The following ZNF624 variants were observed in gnomAD, a reference collection of about 807,000 sequenced individuals.
ZNF624 encodes zinc finger protein 624.
Under a neutral mutation model 74.7 loss-of-function variants are expected in ZNF624, and 43 were observed. The observed-to-expected ratio is 0.58, with a 90% CI of 0.45 to 0.74. The LOEUF (loss-of-function observed/expected upper bound fraction) is 0.74, where lower values mean the gene tolerates loss of function less well. ZNF624 is among the 30% of genes least tolerant of loss of function. The probability of loss-of-function intolerance (pLI) is 0.00; values close to 1 mark genes in which losing one functional copy is unlikely to be tolerated. For missense variants in ZNF624, 820 were observed against 1,030.0 expected (o/e 0.80, Z 2.79); for synonymous variants, 331 against 341.3 (o/e 0.97, Z 0.33).
intron 3 of ZNF624, among the ~76,000 whole-genome samples, chr17:16,636,502 C>A (rs559494681): frequency 6.6e-6 from 1 of 152,264 alleles, no homozygotes; most frequent in South Asian, 2.1e-4. Context: ...GTGGTATATA[C>A]CAGCAATATG....
Position 16,621,073 on chromosome 17 carries a change from A to C in ZNF624, c.*1215T>G, listed in dbSNP as rs1908898442. 1 of 152,196 alleles carries C rather than the reference A, an allele frequency of 6.6e-6. No homozygotes were observed. The highest frequency in any genetic ancestry group is 2.4e-5 in the African/African-American group (1 of 41,438). The allele number at this position is 152,196 out of a possible 1,614,324, so 9.4% of individuals were successfully genotyped here. A position where few individuals can be genotyped will look rare whatever the true frequency, so the allele number is the denominator to read the frequency against. ...TTCTTCCATACCTGTCTCCATGTGC[A>C]TCTAACCACACACACACACATAAAC... On this transcript the variant is annotated 3_prime_UTR_variant, in exon 6 of 6. Coordinates refer to ENST00000311331, the MANE Select transcript of ZNF624 (RefSeq NM_020787.4).
chr17:16,634,786 A>C, intron 3 of ZNF624, 30 bp from the exon 4 acceptor site: 1 of 1,592,172 alleles, frequency 6.3e-7, no homozygotes, highest in Non-Finnish European at 8.5e-7. Context: ...ATCACTTAGA[A>C]ACTATACAAT....
chr17:16,617,803 G>A, downstream of ZNF624: 1 of 1,611,922 alleles, frequency 6.2e-7, no homozygotes, highest in Non-Finnish European at 8.5e-7. Context: ...TCGAGGAGGC[G>A]GCCATAGCCA....
At chr17:16,634,791 T>C (rs764697453) in intron 3 of ZNF624, 35 bp from the exon 4 acceptor site, 12 of 1,582,762 alleles carry the variant, frequency 7.6e-6, no homozygotes, top group East Asian at 6.7e-5. Context: ...TTAGAAACTA[T>C]ACAATTAGAC....
At chr17:16,638,541 G>A (rs1338022931) in intron 3 of ZNF624, among the ~76,000 whole-genome samples, 1 of 152,150 alleles carries the variant, frequency 6.6e-6, no homozygotes, top group Non-Finnish European at 1.5e-5. Context: ...CATAAAAAAT[G>A]AAGAGTTCAT....
At chr17:16,630,944 T>A (rs899383337) in intron 5 of ZNF624, among the ~76,000 whole-genome samples, 18 of 151,610 alleles carry the variant, frequency 1.2e-4, no homozygotes, top group Admixed American at 1.2e-3. Flanking sequence ...TTTAACATAA[T>A]TAACAAACTT....
At chr17:16,653,140 G>A (rs1003264308) in intron 1 of ZNF624, among the ~76,000 whole-genome samples, 1 of 152,228 alleles carries the variant, frequency 6.6e-6, no homozygotes, top group Non-Finnish European at 1.5e-5. Flanking sequence ...TACCAGTCCA[G>A]CATTTCCCAA....
At chr17:16,653,222 T>C (rs1327875728) in intron 1 of ZNF624, among the ~76,000 whole-genome samples, 2 of 152,266 alleles carry the variant, frequency 1.3e-5, no homozygotes, top group Non-Finnish European at 2.9e-5. Flanking sequence ...ATTTGAAATG[T>C]GACATTTCAG....
At chr17:16,647,543 T>C (rs895407027) in intron 2 of ZNF624, 149 bp from the exon 3 acceptor site, 1 of 653,430 alleles carries the variant, frequency 1.5e-6, no homozygotes, top group African/African-American at 1.8e-5. Context: ...CAAAGTCCCA[T>C]TGTAACATGC....
Position 16,634,804 on chromosome 17 carries a change from G to A in ZNF624, c.154-48C>T, listed in dbSNP as rs191984109. The A allele has an allele frequency of 1.2e-4, 193 of 1,560,768 alleles. No individual in the cohort carries two copies. The African/African-American group carries it at 2.3e-3, about 19-fold the overall frequency. ...ACTTAGAAACTATACAATTAGACTTGTTAGGCAGAATTATACATAAAAAAC... is the reference window on the plus strand; with the variant it reads ...ACTTAGAAACTATACAATTAGACTTATTAGGCAGAATTATACATAAAAAAC... On this transcript the variant is annotated intron_variant, in intron 3 of 5. Coordinates refer to ENST00000311331, the MANE Select transcript of ZNF624 (RefSeq NM_020787.4).
intron 5 of ZNF624, among the ~76,000 whole-genome samples, chr17:16,631,187 G>C (rs8074285): frequency 6.6e-6 from 1 of 151,800 alleles, no homozygotes; most frequent in African/African-American, 2.4e-5. Context: ...TATCACAATA[G>C]AAATTATAAA....
At chr17:16,640,747 G>A (rs1241528850) in intron 3 of ZNF624, among the ~76,000 whole-genome samples, 1 of 152,144 alleles carries the variant, frequency 6.6e-6, no homozygotes, top group African/African-American at 2.4e-5. Context: ...ACAAAGAAAA[G>A]CCTAGGTTCA....
At chr17:16,619,725 C>G (rs1908863023), downstream of ZNF624, among the ~76,000 whole-genome samples, 1 of 152,226 alleles carries the variant, frequency 6.6e-6, no homozygotes, top group South Asian at 2.1e-4. Flanking sequence ...CCAACCCCTT[C>G]CCCAATGGAT....
the ZNF624 span, among the ~76,000 whole-genome samples, chr17:16,615,153 A>C: frequency 6.6e-6 from 1 of 152,126 alleles, no homozygotes; most frequent in Non-Finnish European, 1.5e-5. Context: ...GCTGGAGTGC[A>C]GTGGTGCGAT....
In ZNF624 at chr17:16,622,223, CATAAA is replaced by C; in HGVS notation, c.*60_*64del. ...TTCCTAATGAAGATTTTCCTATATT[CATAAA>C]ATATAGTTTATAAGATTCATCTTGT... is the stretch of plus-strand genomic sequence containing the variant. On this transcript the variant is annotated 3_prime_UTR_variant, in exon 6 of 6. Transcript: ENST00000311331. The C allele has an allele frequency of 8.0e-7, 1 of 1,252,504 alleles. No homozygotes were observed. Among genetic ancestry groups the C allele is most frequent in the Non-Finnish European group, 1.1e-6 (1 of 926,724 alleles). 77.6% of individuals were successfully genotyped at this position (1,252,504 alleles called of 1,614,324 possible).
chr17:16,617,457 G>C, downstream of ZNF624: 1 of 1,611,140 alleles, frequency 6.2e-7, no homozygotes, highest in Non-Finnish European at 8.5e-7. Context: ...TTCCTTCCTT[G>C]TGGGCATCCG....
rs899177916 is a variant in ZNF624 at position 16,629,562 on chromosome 17, TTTAC to T, written c.376+4296_376+4299del. Reference sequence around the variant, plus strand: ...TTTTATATTTATTTTTATTTATTTATTTACTTACTTACTTACTTATTTTGAGACC... The same window carrying T: ...TTTTATATTTATTTTTATTTATTTATTTACTTACTTACTTATTTTGAGACC... On this transcript the variant is annotated intron_variant, in intron 5 of 5. Coordinates refer to ENST00000311331, the MANE Select transcript of ZNF624 (RefSeq NM_020787.4). Among the ~76,000 whole-genome samples the T allele has an allele frequency of 1.6e-3, 250 of 152,026 alleles. 1 individual carries two copies. The highest frequency in any genetic ancestry group is 5.4e-3 in the African/African-American group (223 of 41,464).
chr17:16,623,120 C>A lies in ZNF624; in HGVS notation c.1766G>T (p.Cys589Phe), dbSNP rs748671457. 1 of 1,614,018 alleles carries A rather than the reference C, an allele frequency of 6.2e-7. No individual in the cohort carries two copies. Among genetic ancestry groups the A allele is most frequent in the Non-Finnish European group, 8.5e-7 (1 of 1,179,956 alleles). Residue 589 changes from cysteine (C) to phenylalanine (F), a missense_variant, in exon 6 of 6, where the codon TGT becomes TTT. Coordinates refer to ENST00000311331, the MANE Select transcript of ZNF624 (RefSeq NM_020787.4). This position sits in a 1 kb window ranked among gnomAD's most constrained non-coding sequence, Gnocchi z 5.3. ...TEEKPYLCNE[C>F]GESFRIKSHL... Reference sequence around the variant, plus strand: ...TGATTTTATTCTGAAAGACTCCCCACATTCATTGCACAGATAAGGTTTCTC... The same window carrying A: ...TGATTTTATTCTGAAAGACTCCCCAAATTCATTGCACAGATAAGGTTTCTC...
At chr17:16,620,203 T>C (rs1003111578), downstream of ZNF624, among the ~76,000 whole-genome samples, 9 of 152,218 alleles carry the variant, frequency 5.9e-5, no homozygotes, top group Non-Finnish European at 8.8e-5. Flanking sequence ...GTCTTTGGTC[T>C]GTTAGGGCCT....
Sources: gnomAD v4.1 joint callset for allele counts (sites outside exome capture counted in the v4.1 genomes callset) on GRCh38, gnomAD v4.1.1 for gene constraint, Gnocchi (gnomAD v3.1) non-coding constraint, MANE v1.5 for transcripts, NCBI Gene and HGNC (gene_info 2026-07-23, HGNC 2026-07-21) for gene names.